MACROD2: variants seen among roughly 807,000 people sequenced by gnomAD.
The protein encoded by MACROD2 is ADP-ribose glycohydrolase MACROD2.
A neutral mutation model predicts 70.4 loss-of-function variants in MACROD2; 36 were observed. That is an observed-to-expected ratio of 0.51 (90% confidence interval 0.39 to 0.68). MACROD2 has a LOEUF of 0.68. MACROD2 is among the 30% of genes least tolerant of loss of function. The pLI is 0.00. For synonymous variants in MACROD2, 172 were observed against 178.8 expected, an observed-to-expected ratio of 0.96 and a Z score of 0.30; for missense variants, 496 against 538.4, an observed-to-expected ratio of 0.92 and a Z score of 0.78.
chr20:14,355,478 A>T (rs990252650), intron 3 of MACROD2, among the ~76,000 whole-genome samples: 2 of 152,200 alleles, frequency 1.3e-5, no homozygotes. Context: ...ATTATTTAAA[A>T]GATAAAAAAG....
chr20:15,943,851 A>G (rs1352994456), intron 12 of MACROD2, among the ~76,000 whole-genome samples: 1 of 152,122 alleles, frequency 6.6e-6, no homozygotes, highest in Non-Finnish European at 1.5e-5. Flanking sequence ...TTTATTGTAA[A>G]ATATTTTTTA....
intron 2 of MACROD2, among the ~76,000 whole-genome samples, chr20:14,065,557 C>T (rs1781868425): frequency 6.6e-6 from 1 of 152,304 alleles, no homozygotes; most frequent in East Asian, 1.9e-4. Context: ...AGTAATAATT[C>T]TCCTCCTGCC....
intron 5 of MACROD2, among the ~76,000 whole-genome samples, chr20:14,875,070 T>C (rs2073534216): frequency 6.6e-6 from 1 of 152,208 alleles, no homozygotes; most frequent in Admixed American, 6.5e-5. Flanking sequence ...ACTTTGTGTG[T>C]TGATGGTTTC....
intron 6 of MACROD2, among the ~76,000 whole-genome samples, chr20:15,245,559 T>C (rs566346851): frequency 1.7e-4 from 26 of 152,314 alleles, no homozygotes; most frequent in African/African-American, 6.3e-4. Flanking sequence ...CCCTTACTTA[T>C]GATTTTTTAG....
chr20:14,351,389 C>A (rs975871666), intron 3 of MACROD2, among the ~76,000 whole-genome samples: 1 of 151,882 alleles, frequency 6.6e-6, no homozygotes, highest in Non-Finnish European at 1.5e-5. Context: ...CATGGAATAT[C>A]TTTCCATTTT....
intron 2 of MACROD2, among the ~76,000 whole-genome samples, chr20:14,048,667 G>A (rs1228077809): frequency 6.6e-6 from 1 of 151,994 alleles, no homozygotes; most frequent in South Asian, 2.1e-4. Context: ...AATAAATATA[G>A]TATTTGGGAG....
intron 10 of MACROD2, among the ~76,000 whole-genome samples, chr20:15,923,706 A>T (rs973940971): frequency 1.3e-5 from 2 of 151,036 alleles, no homozygotes; most frequent in South Asian, 2.1e-4. Flanking sequence ...TTTCCAAGTT[A>T]CTCCTTTAGA....
At chr20:15,478,668 C>T (rs1183653400) in intron 7 of MACROD2, among the ~76,000 whole-genome samples, 1 of 152,166 alleles carries the variant, frequency 6.6e-6, no homozygotes, top group Non-Finnish European at 1.5e-5. Context: ...GGGAAAAACA[C>T]TTCTTGAATG....
chr20:15,158,953 T>C (rs997662183), intron 5 of MACROD2, among the ~76,000 whole-genome samples: 1 of 152,120 alleles, frequency 6.6e-6, no homozygotes, highest in Non-Finnish European at 1.5e-5. Context: ...TTAATCTCCA[T>C]TTCTTGCCAA....
intron 6 of MACROD2, among the ~76,000 whole-genome samples, chr20:15,295,234 T>G (rs1303081587): frequency 1.3e-5 from 2 of 152,212 alleles, no homozygotes; most frequent in Non-Finnish European, 2.9e-5. Context: ...TCCCCAGTCA[T>G]GTGGAACTGT....
chr20:14,805,442 G>A (rs1159462898), intron 5 of MACROD2, among the ~76,000 whole-genome samples: 1 of 151,994 alleles, frequency 6.6e-6, no homozygotes, highest in Non-Finnish European at 1.5e-5. Context: ...AGTTCTATGA[G>A]TAACCAGCTA....
At chr20:14,617,579 A>C (rs918424349) in intron 4 of MACROD2, among the ~76,000 whole-genome samples, 5 of 152,156 alleles carry the variant, frequency 3.3e-5, no homozygotes, top group African/African-American at 1.2e-4. Flanking sequence ...AACCATATAC[A>C]AAACTCATCT....
chr20:14,596,155 G>A (rs1209940784), intron 4 of MACROD2, among the ~76,000 whole-genome samples: 10 of 151,348 alleles, frequency 6.6e-5, no homozygotes, highest in Non-Finnish European at 5.9e-5. Flanking sequence ...GCACGATCTC[G>A]GCTCACTGCA....
At chr20:14,054,987 A>G (rs1224261600) in intron 2 of MACROD2, among the ~76,000 whole-genome samples, 3 of 152,180 alleles carry the variant, frequency 2.0e-5, no homozygotes, top group Non-Finnish European at 4.4e-5. Context: ...TTTTGTTAAT[A>G]TTAGTATGTT....
chr20:15,479,153 C>A (rs901517643), intron 7 of MACROD2, among the ~76,000 whole-genome samples: 47 of 151,890 alleles, frequency 3.1e-4, no homozygotes, highest in African/African-American at 1.1e-3. Context: ...CTTCTCTTGA[C>A]AAGGCTCTAG....
intron 3 of MACROD2, among the ~76,000 whole-genome samples, chr20:14,418,053 T>A (rs1471859629): frequency 6.6e-6 from 1 of 152,104 alleles, no homozygotes; most frequent in African/African-American, 2.4e-5. Context: ...AACTATAAGC[T>A]AACTGAAAAT....
chr20:15,021,349 G>T (rs2075182184), intron 5 of MACROD2, among the ~76,000 whole-genome samples: 1 of 118,738 alleles, frequency 8.4e-6, no homozygotes, highest in African/African-American at 3.3e-5. Flanking sequence ...TATACACACA[G>T]ATGTATACAC....
intron 5 of MACROD2, among the ~76,000 whole-genome samples, chr20:14,987,009 G>A (rs1447534438): frequency 6.6e-6 from 1 of 152,162 alleles, no homozygotes; most frequent in Non-Finnish European, 1.5e-5. Flanking sequence ...ATGAGGAGTG[G>A]CATCCTTAAC....
At chr20:15,355,183 A>T (rs2078272863) in intron 6 of MACROD2, among the ~76,000 whole-genome samples, 3 of 151,982 alleles carry the variant, frequency 2.0e-5, no homozygotes, top group South Asian at 4.2e-4. Context: ...CATCCGCAAG[A>T]CTCTCTTTAA....
Sources: allele counts gnomAD v4.1 joint callset (sites outside exome capture counted in the v4.1 genomes callset), GRCh38; gene constraint gnomAD v4.1.1; transcripts MANE v1.5; gene names NCBI Gene and HGNC (gene_info 2026-07-23, HGNC 2026-07-21).